The following PDZD2 variants were observed in gnomAD, a reference collection of about 807,000 sequenced individuals.
PDZD2 encodes PDZ domain-containing protein 2.
A neutral mutation model predicts 220.7 loss-of-function variants in PDZD2; 90 were observed. The observed-to-expected ratio is 0.41, with a 90% CI of 0.34 to 0.49. The LOEUF (loss-of-function observed/expected upper bound fraction) is 0.49. PDZD2 is among the 20% of genes least tolerant of loss of function. The pLI is 0.28. For synonymous variants in PDZD2, 1,375 were observed against 1,450.5 expected (o/e 0.95, Z 1.18); for missense variants, 3,174 against 3,608.5 (o/e 0.88, Z 3.08).
intron 1 of PDZD2, among the ~76,000 whole-genome samples, chr5:31,691,974 G>A (rs1307791328): frequency 6.6e-6 from 1 of 152,254 alleles, no homozygotes; most frequent in Non-Finnish European, 1.5e-5. Flanking sequence ...CACCAGGGCT[G>A]CAGGTGGAGC....
intron 2 of PDZD2, among the ~76,000 whole-genome samples, chr5:31,910,461 C>T (rs2089198): frequency 0.14 from 20,002 of 145,332 alleles, 1,554 homozygotes; most frequent in Non-Finnish European, 0.16. Context: ...GGCTGGAGTG[C>T]AGTTGCGCAA....
intron 2 of PDZD2, among the ~76,000 whole-genome samples, chr5:31,936,795 A>G (rs1009963651): frequency 1.3e-5 from 2 of 152,186 alleles, no homozygotes; most frequent in African/African-American, 4.8e-5. Flanking sequence ...AAGGAGGTGG[A>G]TGTATAACAG....
At chr5:31,796,201 G>A (rs184580296) in intron 1 of PDZD2, among the ~76,000 whole-genome samples, 4 of 152,282 alleles carry the variant, frequency 2.6e-5, no homozygotes, top group Non-Finnish European at 5.9e-5. Context: ...TTTTGTTTAG[G>A]TTCATTTTGC....
At chr5:32,003,089 A>C (rs1228687777) in intron 5 of PDZD2, among the ~76,000 whole-genome samples, 5 of 112,398 alleles carry the variant, frequency 4.4e-5, no homozygotes, top group African/African-American at 1.5e-4. Flanking sequence ...ACCAACATAC[A>C]CTCCACACAC....
chr5:31,716,095 C>CA (rs1304069032), intron 1 of PDZD2, among the ~76,000 whole-genome samples: 2 of 152,156 alleles, frequency 1.3e-5, no homozygotes, highest in Admixed American at 6.5e-5. Context: ...CATCTTCTCC[C>CA]AAAACTAGCT....
intron 23 of PDZD2, 156 bp from the exon 24 acceptor site, chr5:32,100,949 C>G (rs752013392): frequency 1.9e-6 from 3 of 1,601,630 alleles, no homozygotes; most frequent in South Asian, 2.2e-5. Flanking sequence ...CTACTGGGCT[C>G]AAGTGCTGTT....
intron 1 of PDZD2, among the ~76,000 whole-genome samples, chr5:31,688,243 GA>G (rs5867093): frequency 0.69 from 104,347 of 151,130 alleles, 36,323 homozygotes; most frequent in East Asian, 0.93. Context: ...TCTTACAAAA[GA>G]AAAAAAAAAC....
chr5:32,053,952 G>A, intron 10 of PDZD2, 69 bp downstream of exon 10: 1 of 894,504 alleles, frequency 1.1e-6, no homozygotes, highest in Non-Finnish European at 1.9e-6. Context: ...CTCTTCACAA[G>A]ATGTGAGTGA....
intron 1 of PDZD2, among the ~76,000 whole-genome samples, chr5:31,772,691 CT>C (rs2150199432): frequency 6.6e-6 from 1 of 152,328 alleles, no homozygotes; most frequent in Non-Finnish European, 1.5e-5. Flanking sequence ...AAATTTCTAT[CT>C]TAAAAGTTTG....
At chr5:31,713,930 C>T (rs1412171155) in intron 1 of PDZD2, among the ~76,000 whole-genome samples, 5 of 152,188 alleles carry the variant, frequency 3.3e-5, no homozygotes, top group African/African-American at 4.8e-5. Flanking sequence ...TCTTGTACAG[C>T]CTGCAGAACC....
intron 1 of PDZD2, among the ~76,000 whole-genome samples, chr5:31,729,060 C>T (rs2150154696): frequency 6.9e-6 from 1 of 144,342 alleles, no homozygotes; most frequent in Non-Finnish European, 1.5e-5. Flanking sequence ...ATGTATTAAT[C>T]AAATGAGATA....
intron 1 of PDZD2, among the ~76,000 whole-genome samples, chr5:31,680,434 C>T (rs906835689): frequency 6.6e-6 from 1 of 152,174 alleles, no homozygotes; most frequent in African/African-American, 2.4e-5. Flanking sequence ...CCGAGACCAA[C>T]TGCTAATGAG....
At chr5:31,695,404 G>A (rs1747338489) in intron 1 of PDZD2, among the ~76,000 whole-genome samples, 1 of 152,174 alleles carries the variant, frequency 6.6e-6, no homozygotes, top group South Asian at 2.1e-4. Context: ...GAATATTTAT[G>A]TTTGAAATCA....
intron 2 of PDZD2, among the ~76,000 whole-genome samples, chr5:31,826,242 G>A (rs1580834576): frequency 6.6e-6 from 1 of 152,090 alleles, no homozygotes; most frequent in Non-Finnish European, 1.5e-5. Context: ...TGCTCCACAG[G>A]GAAGAAGTTT....
chr5:31,715,113 G>A (rs1335859898), intron 1 of PDZD2, among the ~76,000 whole-genome samples: 2 of 151,846 alleles, frequency 1.3e-5, no homozygotes, highest in African/African-American at 4.8e-5. Flanking sequence ...ACCTGGGTTG[G>A]TCCATGGGTT....
intron 2 of PDZD2, among the ~76,000 whole-genome samples, chr5:31,929,938 C>T (rs1363208563): frequency 6.6e-6 from 1 of 152,098 alleles, no homozygotes; most frequent in African/African-American, 2.4e-5. Flanking sequence ...GAGCTCCAAC[C>T]CTTTGGTGAT....
In PDZD2 at chr5:31,742,509, C is replaced by A. The variant is rs1224979716; in HGVS notation, c.-360-56380C>A. ...GCCCATCACTATTAGGGGAACCCAA[C>A]CCTCAGCAACCCCCTCCCCCAACTC... On this transcript the variant is annotated intron_variant, in intron 1 of 24. Transcript: ENST00000438447. Among the ~76,000 whole-genome samples the A allele has an allele frequency of 1.7e-4, 26 of 150,532 alleles. No homozygotes were observed. In the South Asian group the frequency reaches 5.3e-3, roughly 31 times the overall value.
chr5:31,719,159 A>C (rs899700671), intron 1 of PDZD2, among the ~76,000 whole-genome samples: 1 of 152,176 alleles, frequency 6.6e-6, no homozygotes, highest in Non-Finnish European at 1.5e-5. Context: ...AAGGCCTTTG[A>C]ATTGGTGTTC....
intron 1 of PDZD2, among the ~76,000 whole-genome samples, chr5:31,665,468 G>A (rs560300645): frequency 9.9e-5 from 15 of 152,186 alleles, no homozygotes; most frequent in African/African-American, 2.4e-4. Flanking sequence ...AAGCTGATAC[G>A]GTTTGGCTCT....
Sources: allele counts gnomAD v4.1 joint callset (sites outside exome capture counted in the v4.1 genomes callset), GRCh38; gene constraint gnomAD v4.1.1; transcripts MANE v1.5; gene names NCBI Gene and HGNC (gene_info 2026-07-23, HGNC 2026-07-21).